The following PPP1R9A variants were observed in gnomAD, a reference collection of about 807,000 sequenced individuals.
PPP1R9A encodes the protein neurabin-1.
A neutral mutation model predicts 141.9 loss-of-function variants in PPP1R9A; 59 were observed. The observed-to-expected ratio is 0.42, with a 90% CI of 0.34 to 0.52. The LOEUF is 0.52. Among genes scored for constraint, PPP1R9A ranks in the 20% least tolerant of loss-of-function variants. PPP1R9A has a pLI of 0.10. For synonymous variants in PPP1R9A, 500 were observed against 569.7 expected (o/e 0.88, Z 1.74); for missense variants, 1,444 against 1,611.9 (o/e 0.90, Z 1.78).
chr7:94,989,955 C>T lies in PPP1R9A; in HGVS notation c.1395+78447C>T, dbSNP rs141242551. On this transcript the variant is annotated intron_variant, in intron 2 of 19. Coordinates refer to ENST00000433360, the MANE Select transcript of PPP1R9A (RefSeq NM_001166160.2). ...ATTAGAAAAAAGACTCTTTGTTGAT[C>T]GAGTATAAAATGTGCTTCATGAAGC... 3.3e-5 allele frequency among the ~76,000 whole-genome samples: 5 copies of T among 151,858 alleles called. No homozygotes were observed. In the East Asian group the frequency reaches 7.7e-4, roughly 24 times the overall value.
intron 2 of PPP1R9A, among the ~76,000 whole-genome samples, chr7:95,033,781 C>T (rs1458811951): frequency 6.6e-6 from 1 of 151,930 alleles, no homozygotes; most frequent in Non-Finnish European, 1.5e-5. Context: ...CCTTTTTCTG[C>T]TTCTATGAAG....
rs1261160967 is a variant in PPP1R9A, at chr7:95,226,130, C to G, written c.2112+14C>G. On this transcript the variant is annotated intron_variant, in intron 8 of 19. Transcript: ENST00000433360. ...AAGTTCAAAGAGGTATGCCACTAAGCTGCAAAATATTTCTTTATGCCTGTC... is the reference window on the plus strand; with the variant it reads ...AAGTTCAAAGAGGTATGCCACTAAGGTGCAAAATATTTCTTTATGCCTGTC... 6.2e-7 allele frequency: 1 copy of G among 1,603,572 alleles called. No individual in the cohort carries two copies. The highest frequency in any genetic ancestry group is 1.7e-5 in the Admixed American group (1 of 59,710).
intron 7 of PPP1R9A, among the ~76,000 whole-genome samples, chr7:95,222,426 T>C (rs1274399207): frequency 1.3e-5 from 2 of 152,072 alleles, no homozygotes; most frequent in Non-Finnish European, 2.9e-5. Context: ...AACACCCATA[T>C]CCCATAGTTG....
intron 2 of PPP1R9A, among the ~76,000 whole-genome samples, chr7:95,095,432 A>G (rs989000629): frequency 1.3e-5 from 2 of 152,210 alleles, no homozygotes; most frequent in East Asian, 1.9e-4. Context: ...TTTTACTTCA[A>G]AAACACTAAG....
At chr7:95,234,634 C>G (rs1167594523) in intron 8 of PPP1R9A, among the ~76,000 whole-genome samples, 1 of 152,054 alleles carries the variant, frequency 6.6e-6, no homozygotes, top group Admixed American at 6.6e-5. Flanking sequence ...TTGCAATTCC[C>G]ATAAAAATAC....
At chr7:95,289,130 TC>T (rs1253499875) in intron 19 of PPP1R9A, among the ~76,000 whole-genome samples, 2 of 152,142 alleles carry the variant, frequency 1.3e-5, no homozygotes, top group Admixed American at 6.5e-5. Context: ...TACACACCAC[TC>T]CCAAACTGGG....
chr7:95,295,123 A>G lies in PPP1R9A; in HGVS notation c.*4820A>G, dbSNP rs1806924558. 6.6e-6 allele frequency: 1 copy of G among 152,628 alleles called. No individual in the cohort carries two copies. The highest frequency in any genetic ancestry group is 1.5e-5 in the Non-Finnish European group (1 of 68,050). 9.5% of individuals were successfully genotyped at this position (152,628 alleles called of 1,614,324 possible). A position where few individuals can be genotyped will look rare whatever the true frequency, so the allele number is the denominator to read the frequency against. ...AATATCACTCCCACCTTACACACGC[A>G]CACACACTGCAATCACATGGCATTA... On this transcript the variant is annotated 3_prime_UTR_variant, in exon 20 of 20. Transcript: ENST00000433360.
At position 95,295,463 on chromosome 7, in the gene PPP1R9A, G is replaced by C. The variant is rs1216535520; in HGVS notation, c.*5160G>C. On this transcript the variant is annotated 3_prime_UTR_variant, in exon 20 of 20. Coordinates refer to ENST00000433360, the MANE Select transcript of PPP1R9A (RefSeq NM_001166160.2). ...TGTATGCAGCTAAAAATTGCACTGT[G>C]TGTTCTTGTGAATTTGCTCACAATT... 6.6e-6 allele frequency: 1 copy of C among 152,446 alleles called. No homozygotes were observed. The highest frequency in any genetic ancestry group is 1.5e-5 in the Non-Finnish European group (1 of 68,024). 9.4% of individuals were successfully genotyped at this position (152,446 alleles called of 1,614,324 possible).
chr7:95,257,897 T>C (rs1277375265), intron 12 of PPP1R9A, among the ~76,000 whole-genome samples: 1 of 152,220 alleles, frequency 6.6e-6, no homozygotes, highest in Non-Finnish European at 1.5e-5. Flanking sequence ...GTGCCACATT[T>C]TCTTAATCCA....
intron 2 of PPP1R9A, among the ~76,000 whole-genome samples, chr7:94,975,607 C>G (rs1444984595): frequency 6.7e-6 from 1 of 150,054 alleles, no homozygotes; most frequent in Non-Finnish European, 1.5e-5. Context: ...TTTTTTTTTC[C>G]TTATTGAAGC....
intron 8 of PPP1R9A, among the ~76,000 whole-genome samples, chr7:95,243,290 G>A (rs998459095): frequency 6.6e-6 from 1 of 152,088 alleles, no homozygotes; most frequent in African/African-American, 2.4e-5. Context: ...TTCTTACAAG[G>A]TGTTTTTATT....
chr7:95,040,077 A>C (rs1025310473), intron 2 of PPP1R9A, among the ~76,000 whole-genome samples: 5 of 152,194 alleles, frequency 3.3e-5, no homozygotes, highest in African/African-American at 1.2e-4. Flanking sequence ...CGAGGATCAG[A>C]AAGGTGGATT....
In PPP1R9A at chr7:95,290,052, G is replaced by A. The variant is rs1356638842; in HGVS notation, c.3913-39G>A. The A allele has an allele frequency of 3.1e-6, 5 of 1,605,866 alleles. No individual in the cohort carries two copies. The Admixed American group carries it at 5.2e-5, about 17-fold the overall frequency. On this transcript the variant is annotated intron_variant, in intron 19 of 19. Transcript: ENST00000433360. ...TGTTAACACCATCAGAGGGCTCATT[G>A]GTTTTCAAATTCAGTTTGTGTGTGT... is the stretch of plus-strand genomic sequence containing the variant.
intron 7 of PPP1R9A, among the ~76,000 whole-genome samples, chr7:95,206,122 G>T (rs753551298): frequency 7.2e-5 from 11 of 152,098 alleles, no homozygotes; most frequent in Non-Finnish European, 1.0e-4. Flanking sequence ...TTACAATACT[G>T]CATATATGTC....
chr7:94,975,375 T>G (rs1336733577), intron 2 of PPP1R9A, among the ~76,000 whole-genome samples: 1 of 149,532 alleles, frequency 6.7e-6, no homozygotes, highest in South Asian at 2.1e-4. Flanking sequence ...TTTTTTTTTT[T>G]TTTTTTTTAA....
At chr7:95,283,903 TGAATA>T (rs1293422463) in intron 16 of PPP1R9A, 110 bp from the exon 17 acceptor site, 5 of 919,956 alleles carry the variant, frequency 5.4e-6, no homozygotes, top group Non-Finnish European at 7.9e-6. Context: ...TTTACTCTGT[TGAATA>T]GAACAGTTTC....
chr7:95,029,613 C>T (rs535954691), intron 2 of PPP1R9A, among the ~76,000 whole-genome samples: 49 of 152,244 alleles, frequency 3.2e-4, no homozygotes, highest in Admixed American at 2.2e-3. Flanking sequence ...GATTTTTCCA[C>T]TTAATAACTT....
chr7:95,086,285 A>G (rs557187548), intron 2 of PPP1R9A, among the ~76,000 whole-genome samples: 18 of 152,126 alleles, frequency 1.2e-4, no homozygotes, highest in African/African-American at 4.1e-4. Flanking sequence ...TTAGTTTAGG[A>G]TTTTTATGTC....
At chr7:94,990,234 A>G (rs904092075) in intron 2 of PPP1R9A, among the ~76,000 whole-genome samples, 1 of 152,160 alleles carries the variant, frequency 6.6e-6, no homozygotes. Flanking sequence ...TAAATGCATC[A>G]CAGCTCTTGT....
Sources: gnomAD v4.1 joint callset for allele counts (sites outside exome capture counted in the v4.1 genomes callset) on GRCh38, gnomAD v4.1.1 for gene constraint, MANE v1.5 for transcripts, NCBI Gene and HGNC (gene_info 2026-07-23, HGNC 2026-07-21) for gene names.